SRD5A3: variants seen among roughly 807,000 people sequenced by gnomAD.
SRD5A3 encodes polyprenal reductase.
In SRD5A3, 24 loss-of-function variants were observed where a neutral mutation model predicts 34.3. That is an observed-to-expected ratio of 0.70 (90% CI 0.51 to 0.99). SRD5A3 has a LOEUF of 0.99. SRD5A3 is among the 50% of genes least tolerant of loss of function. The probability of loss-of-function intolerance (pLI) is 0.00; values close to 1 mark genes in which losing one functional copy is unlikely to be tolerated. For synonymous variants in SRD5A3, 161 were observed against 167.3 expected, an observed-to-expected ratio of 0.96 and a Z score of 0.29; for missense variants, 350 against 388.2, an observed-to-expected ratio of 0.90 and a Z score of 0.83.
intron 4 of SRD5A3, chr4:55,369,484 C>A (rs1720038469): frequency 3.2e-6 from 1 of 316,158 alleles, no homozygotes; most frequent in Non-Finnish European, 6.0e-6. Context: ...AATCCCAGCA[C>A]TTTAGGAGGC....
At chr4:55,349,140 TTC>T in intron 1 of SRD5A3, among the ~76,000 whole-genome samples, 1 of 152,322 alleles carries the variant, frequency 6.6e-6, no homozygotes, top group African/African-American at 2.4e-5. Context: ...GTTCAAGCAA[TTC>T]TCCTCCCTCA....
chr4:55,353,534 G>C (rs1432603335), intron 1 of SRD5A3, among the ~76,000 whole-genome samples: 2 of 152,178 alleles, frequency 1.3e-5, no homozygotes, highest in Non-Finnish European at 2.9e-5. Context: ...CAAGTCACTG[G>C]GGGTCCCCTT....
At position 55,364,084 on chromosome 4, in the gene SRD5A3, G is replaced by A. The variant is rs1366325847; in HGVS notation, c.375G>A (p.Leu125=). The A allele has an allele frequency of 1.9e-6, 3 of 1,614,082 alleles. No homozygotes were observed. The highest frequency in any genetic ancestry group is 1.7e-5 in the Admixed American group (1 of 60,000). ...LGAAQFQGGE[L]ALSAFLVLVF... Reference sequence around the variant, plus strand: ...CCTTCTGAATTGTAGGAGGGGAGCTGGCACTGTCTGCATTCTTAGTGCTAG... The same window carrying A: ...CCTTCTGAATTGTAGGAGGGGAGCTAGCACTGTCTGCATTCTTAGTGCTAG... The change falls in exon 3 of 5, where the codon CTG becomes CTA. Residue 125 remains leucine (L), a synonymous_variant. Transcript: ENST00000264228.
In SRD5A3 at chr4:55,359,328, C is replaced by G. The variant is rs1553881812; in HGVS notation, c.222-18C>G. 8 of 1,613,792 alleles carry G rather than the reference C, an allele frequency of 5.0e-6. No individual in the cohort carries two copies. The highest frequency in any genetic ancestry group is 3.4e-6 in the Non-Finnish European group (4 of 1,180,006). Reference sequence around the variant, plus strand: ...TGGATCTACCCTAATTATTGCCTCGCTTGTTTTCCTTTTGCAGATATTTTT... The same window carrying G: ...TGGATCTACCCTAATTATTGCCTCGGTTGTTTTCCTTTTGCAGATATTTTT... On this transcript the variant is annotated intron_variant, in intron 1 of 4. Coordinates refer to ENST00000264228, the MANE Select transcript of SRD5A3 (RefSeq NM_024592.5).
Position 55,362,017 on chromosome 4 carries a change from T to G in SRD5A3, c.365-2057T>G, listed in dbSNP as rs188242711. On this transcript the variant is annotated intron_variant, in intron 2 of 4. Coordinates refer to ENST00000264228, the MANE Select transcript of SRD5A3 (RefSeq NM_024592.5). Reference sequence around the variant, plus strand: ...GAGTTAAAACTAAGTTTTAGTTCATTTAAAATACAAAAACAGTCAAAGCTA... The same window carrying G: ...GAGTTAAAACTAAGTTTTAGTTCATGTAAAATACAAAAACAGTCAAAGCTA... Among the ~76,000 whole-genome samples, 512 of 152,308 alleles carry G rather than the reference T, an allele frequency of 3.4e-3. 2 individuals are homozygous for G. Among genetic ancestry groups the G allele is most frequent in the Non-Finnish European group, 5.6e-3 (379 of 68,032 alleles).
At chr4:55,359,065 G>C in intron 1 of SRD5A3, 1 of 413,006 alleles carries the variant, frequency 2.4e-6, no homozygotes, top group Non-Finnish European at 4.5e-6. Context: ...CCAGCAATCA[G>C]AGAGATTGCT....
At chr4:55,349,003 A>G (rs1485844620) in intron 1 of SRD5A3, among the ~76,000 whole-genome samples, 1 of 152,172 alleles carries the variant, frequency 6.6e-6, no homozygotes. Flanking sequence ...CTTATATGTG[A>G]ATATTTTTCC....
Position 55,370,265 on chromosome 4 carries a change from T to C in SRD5A3, c.*174T>C. The C allele has an allele frequency of 1.3e-6, 1 of 789,548 alleles. No homozygotes were observed. Among genetic ancestry groups the C allele is most frequent in the South Asian group, 1.7e-5 (1 of 59,564 alleles). 48.9% of individuals were successfully genotyped at this position (789,548 alleles called of 1,614,324 possible). ...TGGCAGTGCCACTCAAGAAAATGAA[T>C]CTCCAAAGTATCTTCAAAGAATAAA... is the stretch of plus-strand genomic sequence containing the variant. On this transcript the variant is annotated 3_prime_UTR_variant, in exon 5 of 5. Transcript: ENST00000264228.
At chr4:55,362,745 G>A (rs1025442359) in intron 2 of SRD5A3, among the ~76,000 whole-genome samples, 1 of 151,414 alleles carries the variant, frequency 6.6e-6, no homozygotes, top group East Asian at 2.0e-4. Flanking sequence ...GGATCTGGGT[G>A]CTGTTACATG....
intron 1 of SRD5A3, among the ~76,000 whole-genome samples, chr4:55,351,572 G>T (rs544463043): frequency 6.6e-6 from 1 of 151,602 alleles, no homozygotes; most frequent in Non-Finnish European, 1.5e-5. Flanking sequence ...CAGGACAATC[G>T]CCAGAACCTG....
At chr4:55,363,977 AG>A in intron 2 of SRD5A3, 96 bp from the exon 3 acceptor site, 2 of 1,235,498 alleles carry the variant, frequency 1.6e-6, no homozygotes, top group East Asian at 4.6e-5. Context: ...GAAAGATGTT[AG>A]ATGGGATTTA....
intron 1 of SRD5A3, chr4:55,352,377 G>T (rs895852507): frequency 6.4e-6 from 5 of 780,428 alleles, no homozygotes; most frequent in Middle Eastern, 3.6e-4. Flanking sequence ...CTTCATGGTC[G>T]CATACTTCCT....
At chr4:55,357,082 T>C (rs1029597318) in intron 1 of SRD5A3, among the ~76,000 whole-genome samples, 2 of 152,218 alleles carry the variant, frequency 1.3e-5, no homozygotes, top group Non-Finnish European at 2.9e-5. Context: ...TGACTCATTC[T>C]AGCCAAATGT....
intron 1 of SRD5A3, among the ~76,000 whole-genome samples, chr4:55,353,222 C>G (rs1276069572): frequency 1.3e-5 from 2 of 152,146 alleles, no homozygotes; most frequent in African/African-American, 2.4e-5. Context: ...ACTTAGGGAA[C>G]TTTTCTGTCT....
intron 3 of SRD5A3, chr4:55,365,694 A>G (rs1300964899): frequency 1.3e-5 from 2 of 152,208 alleles, no homozygotes; most frequent in Non-Finnish European, 2.9e-5. Flanking sequence ...GGAGCCCACA[A>G]AAATAGCTTT....
chr4:55,362,739 C>G (rs1719732243), intron 2 of SRD5A3, among the ~76,000 whole-genome samples: 1 of 151,092 alleles, frequency 6.6e-6, no homozygotes, highest in Non-Finnish European at 1.5e-5. Flanking sequence ...GTTTCTGGAT[C>G]TGGGTGCTGT....
intron 1 of SRD5A3, among the ~76,000 whole-genome samples, chr4:55,356,182 TA>T (rs1431375087): frequency 6.6e-6 from 1 of 151,866 alleles, no homozygotes; most frequent in Non-Finnish European, 1.5e-5. Context: ...CTAATTTTTG[TA>T]TTTTTAGTAG....
intron 1 of SRD5A3, among the ~76,000 whole-genome samples, chr4:55,358,535 CAAAAAA>C (rs576702969): frequency 1.8e-5 from 2 of 112,762 alleles, no homozygotes; most frequent in South Asian, 3.5e-4. Context: ...GACCCTGTCT[CAAAAAA>C]AAAAAAAAAA....
intron 1 of SRD5A3, among the ~76,000 whole-genome samples, chr4:55,348,579 GGAGA>G (rs1417323318): frequency 6.6e-6 from 1 of 152,204 alleles, no homozygotes; most frequent in Admixed American, 6.5e-5. Flanking sequence ...GGAGCATGTG[GGAGA>G]GATTTTACTG....
Sources: allele counts gnomAD v4.1 joint callset (sites outside exome capture counted in the v4.1 genomes callset), GRCh38; gene constraint gnomAD v4.1.1; transcripts MANE v1.5; gene names NCBI Gene and HGNC (gene_info 2026-07-23, HGNC 2026-07-21).